PIGA: variants seen among roughly 807,000 people sequenced by gnomAD.
PIGA encodes the protein phosphatidylinositol glycan anchor biosynthesis class A.
A neutral mutation model predicts 17.1 loss-of-function variants in PIGA; 3 were observed. The ratio of observed to expected loss-of-function variants is 0.18; its 90% CI spans 0.08 to 0.45. The LOEUF is 0.45. Ranked by LOEUF, PIGA falls within the 20% of genes least tolerant of loss-of-function variation. The probability of loss-of-function intolerance (pLI) is 0.99; values close to 1 mark genes in which losing one functional copy is unlikely to be tolerated. For synonymous variants in PIGA, 126 were observed against 135.1 expected (o/e 0.93, Z 0.47); for missense variants, 231 against 374.1 (o/e 0.62, Z 3.16).
chrX:15,329,864 T>C (rs762121086), intron 2 of PIGA, among the ~76,000 whole-genome samples: 5 of 111,205 alleles, frequency 4.5e-5, no homozygotes, highest in African/African-American at 6.5e-5. Flanking sequence ...GGCAGGTGGA[T>C]CACGAGGTCA....
At chrX:15,335,434 C>G (rs749436093) in intron 1 of PIGA, 67 bp downstream of exon 1, 35 of 951,208 alleles carry the variant, frequency 3.7e-5, no homozygotes, top group Non-Finnish European at 4.5e-5. Context: ...CGATCCCACG[C>G]GCGCAGAACA....
At chrX:15,321,801 C>T (rs1921826953) in intron 5 of PIGA, 29 bp from the exon 6 acceptor site, 1 of 1,179,360 alleles carries the variant, frequency 8.5e-7, no homozygotes, top group Admixed American at 2.2e-5. Flanking sequence ...AGTGTGAGCA[C>T]TTTCACCCAT....
At position 15,335,002 on chromosome X, in the gene PIGA, A is replaced by T. The variant is rs1398581418; in HGVS notation, c.-63+499T>A. On this transcript the variant is annotated intron_variant, in intron 1 of 5. Transcript: ENST00000333590. ...CGACCACGACCAACGAGCCCTGGGC[A>T]ATCATTAGCAGTAGAGGTTCCTGAA... Among the ~76,000 whole-genome samples, 3 of 112,076 alleles carry T rather than the reference A, an allele frequency of 2.7e-5. No homozygotes were observed. The Admixed American group carries it at 2.8e-4, about 11-fold the overall frequency.
rs1311271664 is a variant in PIGA, at chrX:15,319,772, C to G, written c.*1734G>C. 8.9e-6 allele frequency: 1 copy of G among 111,762 alleles called. No homozygotes were observed. Among genetic ancestry groups the G allele is most frequent in the Non-Finnish European group, 1.9e-5 (1 of 53,124 alleles). The allele number at this position is 111,762 out of a possible 1,213,427, so 9.2% of individuals were successfully genotyped here. A position where few individuals can be genotyped will look rare whatever the true frequency, so the allele number is the denominator to read the frequency against. ...ATTTGCAAATCACATGTTTTACAGG[C>G]AAAGGCAACTAACTTTAGATCTTAT... is the stretch of plus-strand genomic sequence containing the variant. On this transcript the variant is annotated 3_prime_UTR_variant, in exon 6 of 6. Coordinates refer to ENST00000333590, the MANE Select transcript of PIGA (RefSeq NM_002641.4).
Position 15,324,891 on chromosome X carries a change from C to T in PIGA, c.982-20G>A. The T allele has an allele frequency of 8.6e-7, 1 of 1,161,708 alleles. No individual in the cohort carries two copies. The highest frequency in any genetic ancestry group is 1.2e-6 in the Non-Finnish European group (1 of 855,037). ...TACAACCTTAAAAAGAAAGAAAGAA[C>T]ACATACTCCACCATAATCATACCTC... On this transcript the variant is annotated intron_variant, in intron 4 of 5. Coordinates refer to ENST00000333590, the MANE Select transcript of PIGA (RefSeq NM_002641.4).
At chrX:15,321,844 C>T (rs1921828693) in intron 5 of PIGA, 72 bp from the exon 6 acceptor site, 5 of 958,646 alleles carry the variant, frequency 5.2e-6, no homozygotes, top group South Asian at 4.5e-5. Context: ...TAAACAATGA[C>T]CCGATCCTGC....
chrX:15,323,912 T>G (rs981162582), intron 5 of PIGA, among the ~76,000 whole-genome samples: 8 of 112,017 alleles, frequency 7.1e-5, no homozygotes, highest in African/African-American at 2.6e-4. Flanking sequence ...GTTGTTTCTG[T>G]TCAGCTTGTT....
rs1195935931 is a variant in PIGA at position 15,325,587 on chromosome X, C to T, written c.848+327G>A. 3.1e-5 allele frequency: 5 copies of T among 159,146 alleles called. 1 individual carries two copies. The East Asian group carries it at 7.5e-4, about 24-fold the overall frequency. 13.1% of individuals were successfully genotyped at this position (159,146 alleles called of 1,213,427 possible). On this transcript the variant is annotated intron_variant, in intron 3 of 5. Coordinates refer to ENST00000333590, the MANE Select transcript of PIGA (RefSeq NM_002641.4). ...TGCAGAGCAATTTACATGATTTGAG[C>T]CCTATTACTTAAATCACTACACAGT...
rs562879532 is a variant in PIGA at position 15,323,972 on chromosome X, A to T, written c.1188+693T>A. Among the ~76,000 whole-genome samples the T allele has an allele frequency of 2.8e-4, 31 of 112,341 alleles. 1 individual carries two copies. The South Asian group carries it at 0.011, about 41-fold the overall frequency. On this transcript the variant is annotated intron_variant, in intron 5 of 5. Transcript: ENST00000333590. ...AGAGAACATCATGAAAAGGACGTAA[A>T]GGATGAAACTGAGAATGAAAGCAGT... is the stretch of plus-strand genomic sequence containing the variant.
chrX:15,331,679 G>C lies in PIGA; in HGVS notation c.252C>G (p.Thr84=), dbSNP rs1922161967. The C allele has an allele frequency of 5.8e-6, 7 of 1,210,227 alleles. No homozygotes were observed. The highest frequency in any genetic ancestry group is 7.8e-6 in the Non-Finnish European group (7 of 894,957). Residue 84 remains threonine (T), a synonymous_variant, in exon 2 of 6, where the codon ACC becomes ACG. Transcript: ENST00000333590. ...GCAAGTAATAGACTTTGAGGCCACT[G>C]GTGAGGTAACGGATGCCTTTTCGAT... ...YGNRKGIRYL[T]SGLKVYYLPL... is the part of the protein sequence containing the mutation.
intron 5 of PIGA, among the ~76,000 whole-genome samples, chrX:15,322,132 G>T (rs1216261777): frequency 9.0e-6 from 1 of 111,362 alleles, no homozygotes; most frequent in Admixed American, 9.7e-5. Context: ...CACCACTGTA[G>T]GGTCAATATT....
chrX:15,324,354 C>T (rs191092182), intron 5 of PIGA, among the ~76,000 whole-genome samples: 129 of 112,417 alleles, frequency 1.1e-3, no homozygotes, highest in African/African-American at 3.4e-3. Flanking sequence ...AAGAAAATAT[C>T]TAAGAGTAGA....
chrX:15,324,590 G>A, intron 5 of PIGA, 75 bp downstream of exon 5: 1 of 754,218 alleles, frequency 1.3e-6, no homozygotes, highest in Non-Finnish European at 2.0e-6. Flanking sequence ...AAACATCTAT[G>A]TAAGAAAAAG....
intron 3 of PIGA, chrX:15,325,355 C>T (rs1325250823): frequency 1.7e-5 from 5 of 290,672 alleles, no homozygotes; most frequent in Non-Finnish European, 2.4e-5. Context: ...ATACAGCGAA[C>T]ATTATTTCTA....
At chrX:15,334,254 G>A (rs1426854703) in intron 1 of PIGA, among the ~76,000 whole-genome samples, 2 of 100,164 alleles carry the variant, frequency 2.0e-5, no homozygotes, top group East Asian at 3.2e-4. Context: ...GCAGTGGAGC[G>A]ATCTCGTCTC....
chrX:15,324,948 T>C, intron 4 of PIGA, 72 bp downstream of exon 4: 1 of 1,148,848 alleles, frequency 8.7e-7, no homozygotes, highest in East Asian at 3.0e-5. Context: ...TAAAACATTA[T>C]TATGGAATGT....
In PIGA at chrX:15,319,658, A is replaced by C. The variant is rs1476587089; in HGVS notation, c.*1848T>G. On this transcript the variant is annotated 3_prime_UTR_variant, in exon 6 of 6. Coordinates refer to ENST00000333590, the MANE Select transcript of PIGA (RefSeq NM_002641.4). Reference sequence around the variant, plus strand: ...CATATACCGACCAGTGCAAACTGACAGTTACAATTAAGGTATCCAGAAAGG... The same window carrying C: ...CATATACCGACCAGTGCAAACTGACCGTTACAATTAAGGTATCCAGAAAGG... The C allele has an allele frequency of 8.9e-6, 1 of 112,075 alleles. No individual in the cohort carries two copies. The highest frequency in any genetic ancestry group is 9.5e-5 in the Admixed American group (1 of 10,549). The allele number at this position is 112,075 out of a possible 1,213,427, so 9.2% of individuals were successfully genotyped here.
chrX:15,326,075 T>C (rs982054971), intron 2 of PIGA, 29 bp from the exon 3 acceptor site: 1 of 1,019,244 alleles, frequency 9.8e-7, no homozygotes. Context: ...ATGTTGGAGA[T>C]ATTAATATTT....
chrX:15,322,189 A>AAC (rs1569177738), intron 5 of PIGA, among the ~76,000 whole-genome samples: 1 of 111,374 alleles, frequency 9.0e-6, no homozygotes, highest in Non-Finnish European at 1.9e-5. Flanking sequence ...TTTGCCTTTG[A>AAC]AGATTCCTTG....
Sources: gnomAD v4.1 joint callset for allele counts (sites outside exome capture counted in the v4.1 genomes callset) on GRCh38, gnomAD v4.1.1 for gene constraint, MANE v1.5 for transcripts, NCBI Gene and HGNC (gene_info 2026-07-23, HGNC 2026-07-21) for gene names.